The following POLR2B variants were observed in gnomAD, a reference collection of about 807,000 sequenced individuals.
POLR2B encodes the protein DNA-directed RNA polymerase II subunit RPB2.
A neutral mutation model predicts 144.6 loss-of-function variants in POLR2B; 57 were observed. The ratio of observed to expected loss-of-function variants is 0.39; its 90% CI spans 0.32 to 0.49. The LOEUF is 0.49. Among genes scored for constraint, POLR2B ranks in the 20% least tolerant of loss-of-function variants. The probability of loss-of-function intolerance (pLI) is 0.83; values close to 1 mark genes in which losing one functional copy is unlikely to be tolerated. For missense variants in POLR2B, 595 were observed against 1,467.4 expected, an observed-to-expected ratio of 0.41 and a Z score of 9.71; for synonymous variants, 442 against 469.8, an observed-to-expected ratio of 0.94 and a Z score of 0.77.
At chr4:56,988,624 T>C (rs893080083) in intron 2 of POLR2B, among the ~76,000 whole-genome samples, 3 of 152,216 alleles carry the variant, frequency 2.0e-5, no homozygotes, top group African/African-American at 7.2e-5. Flanking sequence ...TGCCATAATA[T>C]CTTTTGCCAC....
intron 6 of POLR2B, among the ~76,000 whole-genome samples, chr4:56,998,221 A>T (rs966820945): frequency 5.6e-5 from 8 of 143,186 alleles, no homozygotes; most frequent in Non-Finnish European, 7.7e-5. Flanking sequence ...TTTTCTTTAA[A>T]TTTTTTTTTT....
intron 6 of POLR2B, among the ~76,000 whole-genome samples, chr4:56,998,061 A>G (rs1722743773): frequency 1.3e-5 from 2 of 152,226 alleles, no homozygotes; most frequent in Non-Finnish European, 2.9e-5. Flanking sequence ...GATAGGTTTG[A>G]TAAGATAAAA....
chr4:57,010,223 A>G (rs978401753), intron 10 of POLR2B, 138 bp from the exon 11 acceptor site: 12 of 758,632 alleles, frequency 1.6e-5, no homozygotes, highest in Non-Finnish European at 2.5e-5. Flanking sequence ...GTCAAACAAC[A>G]TTATTCAGGG....
At position 57,007,003 on chromosome 4, in the gene POLR2B, G is replaced by T; in HGVS notation, c.1404+1G>T. On this transcript the variant is annotated splice_donor_variant, in intron 10 of 24. Coordinates refer to ENST00000314595, the MANE Select transcript of POLR2B (RefSeq NM_000938.3). LOFTEE classifies it high-confidence loss of function. Reference sequence around the variant, plus strand: ...TCAAGCCAGAGCTGGAGTATCTCAGGTAAGTGTGCCAACTATGACTACAGG... The same window carrying T: ...TCAAGCCAGAGCTGGAGTATCTCAGTTAAGTGTGCCAACTATGACTACAGG... 1 of 1,607,616 alleles carries T rather than the reference G, an allele frequency of 6.2e-7. No individual in the cohort carries two copies. Among genetic ancestry groups the T allele is most frequent in the Non-Finnish European group, 8.5e-7 (1 of 1,175,078 alleles).
At chr4:56,990,709 C>A in intron 2 of POLR2B, 39 bp from the exon 3 acceptor site, 1 of 1,533,060 alleles carries the variant, frequency 6.5e-7, no homozygotes, top group Admixed American at 2.0e-5. Context: ...TAGAAATTAT[C>A]ACTGAGTTGC....
rs902716995 is a variant in POLR2B, at chr4:56,986,523, G to A, written c.92+97G>A. 6 of 677,116 alleles carry A rather than the reference G, an allele frequency of 8.9e-6. No homozygotes were observed. In the Admixed American group the frequency reaches 1.0e-4, roughly 11 times the overall value. The allele number at this position is 677,116 out of a possible 1,614,324, so 41.9% of individuals were successfully genotyped here. On this transcript the variant is annotated intron_variant, in intron 2 of 24. Coordinates refer to ENST00000314595, the MANE Select transcript of POLR2B (RefSeq NM_000938.3). ...GCTCTTCTATATAAATATGCTACAT[G>A]AGAGTAGTTATTTTATTTATATATT...
chr4:57,026,364 C>T (rs949391317), intron 23 of POLR2B, among the ~76,000 whole-genome samples: 3 of 152,166 alleles, frequency 2.0e-5, no homozygotes, highest in Non-Finnish European at 4.4e-5. Context: ...GCGTGAACCA[C>T]TGCACCCAGC....
intron 6 of POLR2B, among the ~76,000 whole-genome samples, chr4:56,996,236 G>GTA (rs1722674410): frequency 7.3e-6 from 1 of 136,206 alleles, no homozygotes; most frequent in Admixed American, 7.8e-5. Context: ...GTGTGTGTGT[G>GTA]TGTATGTATA....
At chr4:57,013,257 G>A (rs528182321) in intron 13 of POLR2B, among the ~76,000 whole-genome samples, 1 of 152,060 alleles carries the variant, frequency 6.6e-6, no homozygotes, top group Admixed American at 6.5e-5. Flanking sequence ...GATAACAGGT[G>A]TGAGCCACTG....
intron 3 of POLR2B, among the ~76,000 whole-genome samples, chr4:56,993,985 A>C (rs1722601494): frequency 6.6e-6 from 1 of 152,208 alleles, no homozygotes; most frequent in African/African-American, 2.4e-5. Flanking sequence ...TAACTGTTTC[A>C]TATAAACTCA....
rs1560484823 is a variant in POLR2B, at chr4:57,024,067, C to T, written c.2919C>T (p.Pro973=). The T allele has an allele frequency of 6.2e-7, 1 of 1,609,292 alleles. No homozygotes were observed. The highest frequency in any genetic ancestry group is 8.5e-7 in the Non-Finnish European group (1 of 1,176,372). The change falls in exon 21 of 25, where the codon CCC becomes CCT. Residue 973 remains proline, a synonymous_variant. Transcript: ENST00000314595. Reference sequence around the variant, plus strand: ...TCATCATCAATCCCCATGCCATCCCCTCTCGTATGACTATTGGTCACTTAA... The same window carrying T: ...TCATCATCAATCCCCATGCCATCCCTTCTCGTATGACTATTGGTCACTTAA... ...PDIIINPHAI[P]SRMTIGHLIE...
intron 14 of POLR2B, 74 bp downstream of exon 14, chr4:57,015,730 T>G: frequency 1.9e-6 from 1 of 521,856 alleles, no homozygotes; most frequent in Non-Finnish European, 3.0e-6. Context: ...AATTAACCTT[T>G]TTTTATTTTT....
At chr4:57,024,267 T>A (rs1188386488) in intron 21 of POLR2B, among the ~76,000 whole-genome samples, 155 bp downstream of exon 21, 6 of 152,244 alleles carry the variant, frequency 3.9e-5, no homozygotes, top group Non-Finnish European at 7.3e-5. Context: ...TCTGCCATTT[T>A]TTTTGGCAAT....
At chr4:56,984,375 A>G (rs1722254001) in intron 1 of POLR2B, among the ~76,000 whole-genome samples, 1 of 151,706 alleles carries the variant, frequency 6.6e-6, no homozygotes, top group African/African-American at 2.4e-5. Flanking sequence ...TTGACACATA[A>G]TAGATACACA....
intron 7 of POLR2B, among the ~76,000 whole-genome samples, chr4:57,000,366 G>A (rs1722813634): frequency 1.3e-5 from 2 of 152,176 alleles, no homozygotes; most frequent in South Asian, 4.1e-4. Flanking sequence ...GGAGGTGGAG[G>A]CTGCAGTGAA....
chr4:57,011,910 A>G (rs1004352568), intron 13 of POLR2B, among the ~76,000 whole-genome samples: 2 of 152,222 alleles, frequency 1.3e-5, no homozygotes, highest in South Asian at 2.1e-4. Context: ...ATATTTTAGA[A>G]CTCAAATTAC....
chr4:57,013,642 A>C (rs778977755), intron 13 of POLR2B, among the ~76,000 whole-genome samples: 7 of 151,488 alleles, frequency 4.6e-5, no homozygotes, highest in Non-Finnish European at 8.8e-5. Context: ...GGCCCCAACG[A>C]TCCTCCCACC....
chr4:57,024,596 C>G lies in POLR2B; in HGVS notation c.2965-290C>G, dbSNP rs111815858. On this transcript the variant is annotated intron_variant, in intron 21 of 24. Coordinates refer to ENST00000314595, the MANE Select transcript of POLR2B (RefSeq NM_000938.3). ...CTTAGGAGTCTCACTCTTTTTGTAC[C>G]TGATCCCATGGATCGACTTCTATTT... 4.6e-5 allele frequency among the ~76,000 whole-genome samples: 7 copies of G among 152,156 alleles called. No homozygotes were observed. In the East Asian group the frequency reaches 1.2e-3, roughly 25 times the overall value.
intron 2 of POLR2B, among the ~76,000 whole-genome samples, chr4:56,987,412 TCTTCTCTC>T (rs1722366660): frequency 2.4e-5 from 2 of 84,464 alleles, no homozygotes; most frequent in Admixed American, 2.5e-4. Context: ...CTCTTCTCTC[TCTTCTCTC>T]ATCCCCTGAC....
Sources: gnomAD v4.1 joint callset for allele counts (sites outside exome capture counted in the v4.1 genomes callset) on GRCh38, gnomAD v4.1.1 for gene constraint, MANE v1.5 for transcripts, NCBI Gene and HGNC (gene_info 2026-07-23, HGNC 2026-07-21) for gene names.